The following FHAD1 variants were observed in gnomAD, a reference collection of about 807,000 sequenced individuals.
FHAD1 encodes the protein forkhead associated phosphopeptide binding domain 1.
In FHAD1, 146 loss-of-function variants were observed where a neutral mutation model predicts 191.3. The ratio of observed to expected loss-of-function variants is 0.76; its 90% CI spans 0.67 to 0.88. FHAD1 has a LOEUF of 0.88. FHAD1 is among the 40% of genes least tolerant of loss of function. FHAD1 has a pLI of 0.00. For synonymous variants in FHAD1, 616 were observed against 672.3 expected (o/e 0.92, Z 1.29); for missense variants, 1,635 against 1,785.8 (o/e 0.92, Z 1.52).
At chr1:15,373,769 C>T (rs969557862) in intron 26 of FHAD1, among the ~76,000 whole-genome samples, 38 of 152,174 alleles carry the variant, frequency 2.5e-4, no homozygotes, top group Non-Finnish European at 4.3e-4. Context: ...ATCGCTTGAG[C>T]GCAGAGGTAG....
chr1:15,289,742 T>C lies in FHAD1; in HGVS notation c.568+76T>C. ...GGATGGGTCTTGGTTTTGGTTTACTTTCTGATTCTAAAAGTAGAACATATT... is the reference window on the plus strand; with the variant it reads ...GGATGGGTCTTGGTTTTGGTTTACTCTCTGATTCTAAAAGTAGAACATATT... On this transcript the variant is annotated intron_variant, in intron 4 of 33. Coordinates refer to ENST00000688493, the MANE Select transcript of FHAD1 (RefSeq NM_001391957.1). This position sits in a 1 kb window ranked among gnomAD's most constrained non-coding sequence, Gnocchi z 4.2. 1 of 1,454,766 alleles carries C rather than the reference T, an allele frequency of 6.9e-7. No homozygotes were observed. The highest frequency in any genetic ancestry group is 9.1e-7 in the Non-Finnish European group (1 of 1,099,286). The allele number at this position is 1,454,766 out of a possible 1,614,324, so 90.1% of individuals were successfully genotyped here.
chr1:15,318,010 T>TAAC lies in FHAD1; in HGVS notation c.1365+83_1365+84insACA. Reference sequence around the variant, plus strand: ...ATCCCTGTTAGTCCTCTAAGTGGACTATGCTGGTATTAACCCTTCTTACAG... The same window carrying TAAC: ...ATCCCTGTTAGTCCTCTAAGTGGACTAACATGCTGGTATTAACCCTTCTTACAG... On this transcript the variant is annotated intron_variant, in intron 10 of 33. Transcript: ENST00000688493. The surrounding 1 kb of genome is among the most constrained non-coding windows in gnomAD (Gnocchi z 4.1). 3.5e-6 allele frequency: 3 copies of TAAC among 867,582 alleles called. No homozygotes were observed. Among genetic ancestry groups the TAAC allele is most frequent in the Non-Finnish European group, 5.5e-6 (3 of 542,774 alleles). The allele number at this position is 867,582 out of a possible 1,614,324, so 53.7% of individuals were successfully genotyped here.
At chr1:15,295,592 A>G (rs1666658956) in intron 4 of FHAD1, among the ~76,000 whole-genome samples, 1 of 152,150 alleles carries the variant, frequency 6.6e-6, no homozygotes, top group Admixed American at 6.5e-5. Context: ...TGGGTGACAG[A>G]GCGAGACCCT....
intron 3 of FHAD1, 146 bp downstream of exon 3, chr1:15,272,675 G>A (rs922662283): frequency 1.4e-6 from 1 of 718,556 alleles, no homozygotes; most frequent in Non-Finnish European, 2.3e-6. Context: ...AGTGGACCCT[G>A]TGGAGTTCTG....
At chr1:15,236,543 T>A (rs1573481029) in exon 1 of FHAD1, among the ~76,000 whole-genome samples, 1 of 152,310 alleles carries the variant, frequency 6.6e-6, no homozygotes. Context: ...TGAGAAGCCA[T>A]GAGGCCTTTG....
At chr1:15,253,059 A>C (rs771866265) in intron 2 of FHAD1, among the ~76,000 whole-genome samples, 1 of 152,058 alleles carries the variant, frequency 6.6e-6, no homozygotes, top group Non-Finnish European at 1.5e-5. Context: ...GTAGGTAGAG[A>C]TCACACCTAC....
At chr1:15,308,482 T>TA in intron 6 of FHAD1, 131 bp from the exon 7 acceptor site, 2 of 1,297,724 alleles carry the variant, frequency 1.5e-6, no homozygotes, top group Non-Finnish European at 2.1e-6. Flanking sequence ...TGGTTAAAAC[T>TA]AAAAAGCTTG....
At position 15,305,700 on chromosome 1, in the gene FHAD1, T is replaced by G; in HGVS notation, c.916-2913T>G. ...TATAGTGAATAAGTCTCATGAGATC[T>G]GATGGTTTTATCAGGGGTTTCCGCT... On this transcript the variant is annotated intron_variant, in intron 6 of 33. Coordinates refer to ENST00000688493, the MANE Select transcript of FHAD1 (RefSeq NM_001391957.1). 7.0e-6 allele frequency: 3 copies of G among 430,146 alleles called. No homozygotes were observed. In the Admixed American group the frequency reaches 7.6e-5, roughly 11 times the overall value. 26.6% of individuals were successfully genotyped at this position (430,146 alleles called of 1,614,324 possible). A position where few individuals can be genotyped will look rare whatever the true frequency, so the allele number is the denominator to read the frequency against.
intron 3 of FHAD1, among the ~76,000 whole-genome samples, chr1:15,278,022 C>A (rs536237234): frequency 6.6e-6 from 1 of 152,264 alleles, no homozygotes; most frequent in East Asian, 1.9e-4. Flanking sequence ...TGGTAGGAGG[C>A]AGAGGAGGTA....
At chr1:15,392,701 C>T (rs889352269) in intron 33 of FHAD1, among the ~76,000 whole-genome samples, 1 of 152,166 alleles carries the variant, frequency 6.6e-6, no homozygotes, top group Non-Finnish European at 1.5e-5. Context: ...AAAAAGTGTC[C>T]ATCCCTAACA....
chr1:15,367,957 T>C (rs889059952), intron 25 of FHAD1, among the ~76,000 whole-genome samples: 7 of 152,046 alleles, frequency 4.6e-5, no homozygotes, highest in African/African-American at 1.7e-4. Context: ...TTGCCTGTTT[T>C]GTTGTTGTTG....
chr1:15,375,968 C>T (rs773870257), intron 28 of FHAD1, among the ~76,000 whole-genome samples: 4 of 152,070 alleles, frequency 2.6e-5, no homozygotes, highest in East Asian at 1.9e-4. Flanking sequence ...CCACGTTAAT[C>T]GCTGAAGCAT....
Position 15,341,795 on chromosome 1 carries a change from G to A in FHAD1, c.2037G>A (p.Glu679=), listed in dbSNP as rs1243329371. 1.9e-6 allele frequency: 3 copies of A among 1,551,808 alleles called. No homozygotes were observed. The highest frequency in any genetic ancestry group is 1.2e-5 in the South Asian group (1 of 84,030). ...QQSLLQEKLR[E]HLAEKEKLNE... ...CTTTACTGCAGGAAAAGCTGCGGGAGCATCTGGCAGAGAAGGAGAAGCTGA... is the reference window on the plus strand; with the variant it reads ...CTTTACTGCAGGAAAAGCTGCGGGAACATCTGGCAGAGAAGGAGAAGCTGA... The change falls in exon 16 of 34, where the codon GAG becomes GAA. Residue 679 remains glutamate, a synonymous_variant. Coordinates refer to ENST00000688493, the MANE Select transcript of FHAD1 (RefSeq NM_001391957.1).
intron 25 of FHAD1, among the ~76,000 whole-genome samples, chr1:15,368,723 C>G (rs1386911019): frequency 6.6e-6 from 1 of 152,062 alleles, no homozygotes; most frequent in African/African-American, 2.4e-5. Flanking sequence ...GTGAATCACC[C>G]GAGGTCAGGA....
intron 4 of FHAD1, among the ~76,000 whole-genome samples, chr1:15,296,168 G>A (rs1404964327): frequency 6.6e-6 from 1 of 152,070 alleles, no homozygotes; most frequent in Non-Finnish European, 1.5e-5. Context: ...ATCAAAGGAA[G>A]AAGGAAGGAG....
At chr1:15,315,030 C>T (rs1298522826) in intron 8 of FHAD1, 1 of 152,002 alleles carries the variant, frequency 6.6e-6, no homozygotes, top group Non-Finnish European at 1.5e-5. Flanking sequence ...TTCCCTTCCC[C>T]GTTGACCTTG....
At chr1:15,345,593 C>T (rs902776952) in intron 18 of FHAD1, 70 bp downstream of exon 18, 51 of 1,222,852 alleles carry the variant, frequency 4.2e-5, no homozygotes, top group Non-Finnish European at 5.5e-5. Context: ...AAGTTCAGAG[C>T]GGCGATGATG....
intron 11 of FHAD1, 123 bp downstream of exon 11, chr1:15,324,682 A>G (rs1677603661): frequency 1.4e-6 from 1 of 700,408 alleles, no homozygotes; most frequent in African/African-American, 1.8e-5. Flanking sequence ...TAATTCTCCC[A>G]TTTATCTCAT....
intron 11 of FHAD1, 154 bp from the exon 12 acceptor site, chr1:15,326,905 C>G (rs1458453123): frequency 1.7e-6 from 1 of 595,892 alleles, no homozygotes; most frequent in East Asian, 2.9e-5. Flanking sequence ...TCCCGCCACT[C>G]CCCGTGAGCG....
Sources: gnomAD v4.1 joint callset for allele counts (sites outside exome capture counted in the v4.1 genomes callset) on GRCh38, gnomAD v4.1.1 for gene constraint, Gnocchi (gnomAD v3.1) non-coding constraint, MANE v1.5 for transcripts, NCBI Gene and HGNC (gene_info 2026-07-23, HGNC 2026-07-21) for gene names.